The following NADSYN1 variants were observed in gnomAD, a reference collection of about 807,000 sequenced individuals.
NADSYN1 encodes the protein glutamine-dependent NAD(+) synthetase.
A neutral mutation model predicts 99.3 loss-of-function variants in NADSYN1; 80 were observed. The observed-to-expected ratio is 0.81, with a 90% CI of 0.67 to 0.97. The LOEUF (loss-of-function observed/expected upper bound fraction) is 0.97. NADSYN1 is among the 50% of genes least tolerant of loss of function. The pLI is 0.00. For missense variants in NADSYN1, 859 were observed against 948.5 expected, an observed-to-expected ratio of 0.91 and a Z score of 1.24; for synonymous variants, 385 against 372.1, an observed-to-expected ratio of 1.03 and a Z score of -0.40.
At chr11:71,469,716 C>A (rs549000212) in intron 5 of NADSYN1, among the ~76,000 whole-genome samples, 103 of 152,098 alleles carry the variant, frequency 6.8e-4, no homozygotes, top group Non-Finnish European at 1.3e-3. Flanking sequence ...TTCTGGGAAG[C>A]CAACAACCTT....
intron 17 of NADSYN1, among the ~76,000 whole-genome samples, chr11:71,491,428 G>A (rs1029286360): frequency 1.5e-5 from 1 of 65,302 alleles, no homozygotes. Context: ...ATCAGGCAAC[G>A]TCTGCAGACA....
rs543357237 is a variant in NADSYN1, at chr11:71,491,056, C to T, written c.1694+80C>T. 7.1e-4 allele frequency: 1,111 copies of T among 1,572,992 alleles called. 22 individuals carry two copies. The Admixed American group carries it at 0.017, about 25-fold the overall frequency. ...GGCCCCGGCCACCCTGGCCCACACT[C>T]AGGCTCCTTCGTAGCTCCTGTTGCC... On this transcript the variant is annotated intron_variant, in intron 17 of 20. Coordinates refer to ENST00000319023, the MANE Select transcript of NADSYN1 (RefSeq NM_018161.5).
At chr11:71,483,153 T>G (rs7943296) in intron 14 of NADSYN1, 136 bp downstream of exon 14, 71,286 of 1,059,266 alleles carry the variant, frequency 0.067, 3,164 homozygotes, top group African/African-American at 0.14. Flanking sequence ...GATAAACGTG[T>G]AAGTGCTCCA....
chr11:71,476,500 C>T (rs1016723782), intron 9 of NADSYN1: 2 of 262,404 alleles, frequency 7.6e-6, no homozygotes, highest in African/African-American at 4.5e-5. Context: ...TCATAGTGGA[C>T]CAAGTGAACT....
At chr11:71,489,274 T>C (rs949178) in intron 16 of NADSYN1, among the ~76,000 whole-genome samples, 133,173 of 152,044 alleles carry the variant, frequency 0.88, 58,719 homozygotes, top group Non-Finnish European at 0.93. Flanking sequence ...ATGGCCACAC[T>C]TGTTGCTGGC....
rs376638156 is a variant in NADSYN1 at position 71,455,159 on chromosome 11, G to A, written c.135G>A (p.Glu45=). The A allele has an allele frequency of 4.3e-6, 7 of 1,613,854 alleles. No homozygotes were observed. In the African/African-American group the frequency reaches 8.0e-5, roughly 18 times the overall value. ...NRGARYRLGP[E]LEICGYGCWD... ...GAGCAAGATACAGGCTTGGACCAGA[G>A]CTGGAAATATGGTGAGAACAGACAC... The change falls in exon 2 of 21, where the codon GAG becomes GAA. Residue 45 remains glutamate, a synonymous_variant. Coordinates refer to ENST00000319023, the MANE Select transcript of NADSYN1 (RefSeq NM_018161.5).
At chr11:71,486,387 C>G (rs1177877141) in intron 16 of NADSYN1, among the ~76,000 whole-genome samples, 1 of 152,150 alleles carries the variant, frequency 6.6e-6, no homozygotes, top group Non-Finnish European at 1.5e-5. Context: ...ATCCACTCAC[C>G]TGTCCGTTCA....
intron 3 of NADSYN1, among the ~76,000 whole-genome samples, chr11:71,459,285 A>G (rs866400821): frequency 1.4e-5 from 2 of 145,366 alleles, no homozygotes; most frequent in African/African-American, 2.6e-5. Flanking sequence ...GCTGGTCCCT[A>G]TGGAGGCCTC....
chr11:71,474,973 G>A lies in NADSYN1; in HGVS notation c.798+447G>A, dbSNP rs191017193. 1,818 of 241,994 alleles carry A rather than the reference G, an allele frequency of 7.5e-3. 13 individuals are homozygous for A. Among genetic ancestry groups the A allele is most frequent in the Non-Finnish European group, 0.011 (1,258 of 119,388 alleles). 15.0% of individuals were successfully genotyped at this position (241,994 alleles called of 1,614,324 possible). A position where few individuals can be genotyped will look rare whatever the true frequency, so the allele number is the denominator to read the frequency against. On this transcript the variant is annotated intron_variant, in intron 9 of 20. Transcript: ENST00000319023. The stretch of plus-strand genomic sequence containing the variant: ...GGCTCCGTGCCACGCAGGGCCAGGT[G>A]GGAGTGTGCTCAGGAACAGAGGGGA...
At chr11:71,474,662 C>T (rs1467785659) in intron 9 of NADSYN1, 136 bp downstream of exon 9, 1 of 1,203,576 alleles carries the variant, frequency 8.3e-7, no homozygotes, top group Non-Finnish European at 1.2e-6. Context: ...GCTCCTGGCT[C>T]TCCCCTGTAA....
chr11:71,499,162 A>G, intron 20 of NADSYN1: 1 of 152,450 alleles, frequency 6.6e-6, no homozygotes, highest in East Asian at 1.9e-4. Context: ...CTGTGTGTGC[A>G]CCGCACTTTC....
chr11:71,464,067 T>C lies in NADSYN1; in HGVS notation c.332T>C (p.Ile111Thr). The C allele has an allele frequency of 2.5e-6, 4 of 1,612,200 alleles. No individual in the cohort carries two copies. The highest frequency in any genetic ancestry group is 3.4e-6 in the Non-Finnish European group (4 of 1,179,296). Residue 111 changes from isoleucine (I) to threonine (T), a missense_variant, in exon 5 of 21, where the codon ATC becomes ACC. Transcript: ENST00000319023. ...CCTGTCTGCAGGAAGATCCTGCTCATCAGACCCAAGATGGCCTTGGCCAAT... is the reference window on the plus strand; with the variant it reads ...CCTGTCTGCAGGAAGATCCTGCTCACCAGACCCAAGATGGCCTTGGCCAAT... Reference protein sequence around the residue: ...VIFLNRKILLIRPKMALANEG... With the variant: ...VIFLNRKILLTRPKMALANEG...
At chr11:71,461,669 C>T (rs772019610) in intron 3 of NADSYN1, among the ~76,000 whole-genome samples, 6 of 152,120 alleles carry the variant, frequency 3.9e-5, no homozygotes, top group Non-Finnish European at 7.4e-5. Context: ...CCTTGTGATC[C>T]GCCTGCCTCA....
intron 14 of NADSYN1, among the ~76,000 whole-genome samples, chr11:71,483,942 C>T (rs183898952): frequency 6.6e-6 from 1 of 152,360 alleles, no homozygotes; most frequent in East Asian, 1.9e-4. Flanking sequence ...GAGCCAGCCA[C>T]ACCAGGCCAC....
Position 71,471,723 on chromosome 11 carries a change from G to A in NADSYN1, c.408-726G>A, listed in dbSNP as rs566601354. Among the ~76,000 whole-genome samples the A allele has an allele frequency of 5.3e-5, 8 of 152,302 alleles. No homozygotes were observed. The South Asian group carries it at 1.0e-3, about 20-fold the overall frequency. On this transcript the variant is annotated intron_variant, in intron 5 of 20. Coordinates refer to ENST00000319023, the MANE Select transcript of NADSYN1 (RefSeq NM_018161.5). ...TTCTGTAGGATATCTTCCTGTCCCC[G>A]TTCCCTACGTGAATGAGGGGGAAAG...
chr11:71,471,208 A>C (rs1264180848), intron 5 of NADSYN1, among the ~76,000 whole-genome samples: 1 of 152,194 alleles, frequency 6.6e-6, no homozygotes. Flanking sequence ...TCCCCGTGGA[A>C]GAGGTGGCAG....
chr11:71,485,882 T>C (rs116382961), intron 16 of NADSYN1, among the ~76,000 whole-genome samples: 3,077 of 152,286 alleles, frequency 0.02, 90 homozygotes, highest in African/African-American at 0.071. Flanking sequence ...TCTTCATCTC[T>C]ACTGCGCCTC....
intron 5 of NADSYN1, chr11:71,464,383 C>T (rs946821267): frequency 1.8e-5 from 8 of 449,248 alleles, no homozygotes; most frequent in Admixed American, 3.7e-5. Flanking sequence ...GGGCTCAGGG[C>T]GCGGTTACAC....
At chr11:71,495,444 C>A (rs1463253742) in intron 18 of NADSYN1, among the ~76,000 whole-genome samples, 2 of 152,224 alleles carry the variant, frequency 1.3e-5, no homozygotes, top group Admixed American at 1.3e-4. Flanking sequence ...AGCAGATGGT[C>A]TGACCTGGGA....
Sources: gnomAD v4.1 joint callset for allele counts (sites outside exome capture counted in the v4.1 genomes callset) on GRCh38, gnomAD v4.1.1 for gene constraint, MANE v1.5 for transcripts, NCBI Gene and HGNC (gene_info 2026-07-23, HGNC 2026-07-21) for gene names.